The following IQSEC1 variants were observed in gnomAD, a reference collection of about 807,000 sequenced individuals.
IQSEC1 encodes the protein IQ motif and Sec7 domain ArfGEF 1, also known as IQ motif and SEC7 domain-containing protein 1.
A neutral mutation model predicts 91.0 loss-of-function variants in IQSEC1; 31 were observed. The observed-to-expected ratio is 0.34, with a 90% CI of 0.26 to 0.46. The LOEUF (loss-of-function observed/expected upper bound fraction) is 0.46. Ranked by LOEUF, IQSEC1 falls within the 20% of genes least tolerant of loss-of-function variation. The pLI is 1.00. For missense variants in IQSEC1, 1,388 were observed against 1,575.6 expected, an observed-to-expected ratio of 0.88 and a Z score of 2.02; for synonymous variants, 699 against 662.6, an observed-to-expected ratio of 1.05 and a Z score of -0.84.
At position 13,123,924 on chromosome 3, in the gene IQSEC1, C is replaced by A. The variant is rs894150517; in HGVS notation, c.302+40180G>T. Among the ~76,000 whole-genome samples, 5 of 152,368 alleles carry A rather than the reference C, an allele frequency of 3.3e-5. No homozygotes were observed. In the Middle Eastern group the frequency reaches 0.017, roughly 518 times the overall value. On this transcript the variant is annotated intron_variant, in intron 2 of 15. Transcript: ENST00000648114. The stretch of plus-strand genomic sequence containing the variant: ...TGGCTCTCGAGCCAAATCTAGCCTG[C>A]GGCTTGCTTTTGTAAATAAAGTTTT...
chr3:13,068,558 A>C (rs1428441225), intron 1 of IQSEC1, among the ~76,000 whole-genome samples: 1 of 152,046 alleles, frequency 6.6e-6, no homozygotes, highest in Admixed American at 6.5e-5. Flanking sequence ...TCTTTTCTTC[A>C]TATCTTTAGC....
At chr3:13,069,331 T>C (rs1705338949) in intron 1 of IQSEC1, among the ~76,000 whole-genome samples, 1 of 152,160 alleles carries the variant, frequency 6.6e-6, no homozygotes, top group Non-Finnish European at 1.5e-5. Flanking sequence ...TAACTGTGCC[T>C]GCAGAACTGA....
At chr3:12,915,038 T>A (rs1306186536) in intron 8 of IQSEC1, 66 bp downstream of exon 8, 1 of 1,522,134 alleles carries the variant, frequency 6.6e-7, no homozygotes, top group Non-Finnish European at 9.0e-7. Context: ...GCCGGCGGAC[T>A]GGCTGATGCT....
Position 12,900,469 on chromosome 3 carries a change from TTATA to T in IQSEC1, c.*510_*513del, listed in dbSNP as rs1259224280. 2.8e-4 allele frequency: 169 copies of T among 600,794 alleles called. 1 individual carries two copies. The South Asian group carries it at 4.7e-3, about 17-fold the overall frequency. 37.2% of individuals were successfully genotyped at this position (600,794 alleles called of 1,614,324 possible). On this transcript the variant is annotated 3_prime_UTR_variant, in exon 14 of 14. Transcript: ENST00000613206. ...CTATACAGTATATATATATATATATTTATATATTTATATATTTATATAAAGTTTA... is the reference window on the plus strand; with the variant it reads ...CTATACAGTATATATATATATATATTTATTTATATATTTATATAAAGTTTA...
chr3:13,169,330 G>C (rs141261658), intron 1 of IQSEC1, among the ~76,000 whole-genome samples: 1 of 152,194 alleles, frequency 6.6e-6, no homozygotes, highest in Non-Finnish European at 1.5e-5. Context: ...TGCTATGATT[G>C]TGAGGCCTCC....
chr3:13,274,482 T>A (rs1190573404), intron 1 of IQSEC1, among the ~76,000 whole-genome samples: 1 of 151,964 alleles, frequency 6.6e-6, no homozygotes. Context: ...TCCACGGGTG[T>A]GACGCTCTTC....
At chr3:13,015,804 G>A in intron 1 of IQSEC1, 1 of 875,994 alleles carries the variant, frequency 1.1e-6, no homozygotes, top group Non-Finnish European at 1.4e-6. Flanking sequence ...CTGCTGAGGG[G>A]GCTCCTTCCA....
chr3:13,027,064 C>T (rs1443100808), intron 1 of IQSEC1, among the ~76,000 whole-genome samples: 7 of 152,134 alleles, frequency 4.6e-5, no homozygotes, highest in Admixed American at 2.6e-4. Context: ...CCATGCAAGG[C>T]GCAGGAAGGC....
rs9211 is a variant in IQSEC1, at chr3:12,898,047, G to A, written c.*2936C>T. The A allele has an allele frequency of 0.8, 122,507 of 152,264 alleles. 50,208 individuals are homozygous for A. The highest frequency in any genetic ancestry group is 0.92 in the African/African-American group (38,173 of 41,548). The allele number at this position is 152,264 out of a possible 1,614,324, so 9.4% of individuals were successfully genotyped here. A position where few individuals can be genotyped will look rare whatever the true frequency, so the allele number is the denominator to read the frequency against. ...GTCAGCAATTCTGTATGTAACTGCA[G>A]TAATTTGTGTGACTTGAGAAAGGTG... On this transcript the variant is annotated 3_prime_UTR_variant, in exon 14 of 14. Coordinates refer to ENST00000613206, the MANE Select transcript of IQSEC1 (RefSeq NM_001134382.3).
intron 1 of IQSEC1, among the ~76,000 whole-genome samples, chr3:13,248,569 C>T (rs1402271800): frequency 6.6e-6 from 1 of 152,218 alleles, no homozygotes; most frequent in Non-Finnish European, 1.5e-5. Flanking sequence ...GAGGCCATTC[C>T]TGGCAGCTCC....
chr3:13,083,688 T>G (rs935135303), intron 2 of IQSEC1, among the ~76,000 whole-genome samples: 1 of 152,256 alleles, frequency 6.6e-6, no homozygotes, highest in East Asian at 1.9e-4. Context: ...AGAACAGGCA[T>G]GAAATGGTGT....
chr3:13,236,681 C>T (rs1039746399), intron 1 of IQSEC1, among the ~76,000 whole-genome samples: 2 of 152,168 alleles, frequency 1.3e-5, no homozygotes. Context: ...GGTCCACAGA[C>T]GTGAGAAGGC....
At chr3:13,094,130 C>T (rs1705915474) in intron 2 of IQSEC1, among the ~76,000 whole-genome samples, 1 of 152,212 alleles carries the variant, frequency 6.6e-6, no homozygotes, top group South Asian at 2.1e-4. Flanking sequence ...AGAACCGTGA[C>T]ATCCGATCAG....
chr3:12,936,205 G>A lies in IQSEC1; in HGVS notation c.811C>T (p.Leu271=), dbSNP rs1575969220. 1.9e-6 allele frequency: 3 copies of A among 1,613,026 alleles called. No homozygotes were observed. Among genetic ancestry groups the A allele is most frequent in the Non-Finnish European group, 1.7e-6 (2 of 1,179,978 alleles). ...AGTTTGCGGTGGTCCATGCCGTGCA[G>A]GGCTGTCTGGGGTTCGGTGTCCCGG... The part of the protein sequence containing the change: ...RARDTEPQTA[L]HGMDHRKLDE... Residue 271 remains leucine (L), a synonymous_variant, in exon 3 of 14, where the codon CTG becomes TTG. Coordinates refer to ENST00000613206, the MANE Select transcript of IQSEC1 (RefSeq NM_001134382.3).
intron 1 of IQSEC1, among the ~76,000 whole-genome samples, chr3:13,251,794 G>C (rs1695197605): frequency 6.6e-6 from 1 of 152,224 alleles, no homozygotes; most frequent in Non-Finnish European, 1.5e-5. Context: ...CAAGGCAGCT[G>C]AGCCAGCTAG....
intron 2 of IQSEC1, among the ~76,000 whole-genome samples, chr3:13,136,014 G>A (rs934382382): frequency 6.6e-6 from 1 of 152,360 alleles, no homozygotes. Flanking sequence ...CTGCTGGGCG[G>A]TGCAGACCCA....
At chr3:13,046,311 G>A (rs893403401) in intron 1 of IQSEC1, among the ~76,000 whole-genome samples, 5 of 152,354 alleles carry the variant, frequency 3.3e-5, no homozygotes, top group Admixed American at 1.3e-4. Context: ...CTGCGTGAGC[G>A]TGTCGCTCAT....
chr3:12,973,504 G>C (rs1304475719), intron 1 of IQSEC1, among the ~76,000 whole-genome samples: 3 of 152,196 alleles, frequency 2.0e-5, no homozygotes, highest in East Asian at 3.9e-4. Context: ...TGGTGGTGGG[G>C]CCCAGACACT....
chr3:13,281,603 C>T (rs1229800530), intron 1 of IQSEC1, among the ~76,000 whole-genome samples: 1 of 152,186 alleles, frequency 6.6e-6, no homozygotes, highest in Admixed American at 6.5e-5. Context: ...TGGCCACAGT[C>T]GCTGCAGCCC....
Sources: gnomAD v4.1 joint callset for allele counts (sites outside exome capture counted in the v4.1 genomes callset) on GRCh38, gnomAD v4.1.1 for gene constraint, MANE v1.5 for transcripts, NCBI Gene and HGNC (gene_info 2026-07-23, HGNC 2026-07-21) for gene names.